The following LRRC53 variants were observed in gnomAD, a reference collection of about 807,000 sequenced individuals.
LRRC53 encodes leucine-rich repeat-containing protein 53.
A neutral mutation model predicts 13.6 loss-of-function variants in LRRC53; 25 were observed. The observed-to-expected ratio is 1.83, with a 90% CI of 1.34 to 2.56. The LOEUF is 2.56. Among genes scored for constraint, LRRC53 ranks in the 30% most tolerant of loss-of-function variants. The pLI, the probability that LRRC53 is intolerant of heterozygous loss-of-function variation, is 0.00. For synonymous variants in LRRC53, 204 were observed against 109.8 expected, an observed-to-expected ratio of 1.86 and a Z score of -5.37; for missense variants, 527 against 275.8, an observed-to-expected ratio of 1.91 and a Z score of -6.45.
the LRRC53 span, among the ~76,000 whole-genome samples, chr1:74,518,113 G>C: frequency 5.9e-4 from 90 of 152,268 alleles, no homozygotes; most frequent in Non-Finnish European, 9.7e-4. Flanking sequence ...GGACCAGGAG[G>C]TTCCCAGGTA....
At position 74,470,968 on chromosome 1, in the gene LRRC53, C is replaced by T. The variant is rs977232119; in HGVS notation, c.2654G>A (p.Ser885Asn). The T allele has an allele frequency of 7.2e-5, 29 of 400,702 alleles. No individual in the cohort carries two copies. Among genetic ancestry groups the T allele is most frequent in the African/African-American group, 4.3e-4 (21 of 48,800 alleles). The allele number at this position is 400,702 out of a possible 1,614,324, so 24.8% of individuals were successfully genotyped here. ...YLATTWENTG[S>N]DVLPFQHSRR... ...GGAATGTTGGAATGGTAAAACATCA[C>T]TTCCTGTATTTTCCCAAGTAGTTGC... The change falls in exon 5 of 5, where the codon AGT becomes AAT. Residue 885 changes from serine to asparagine, a missense_variant. Physicochemically the swap from Ser to Asn is conservative, Grantham distance 46. Coordinates refer to ENST00000294635, the MANE Select transcript of LRRC53 (RefSeq NM_001382280.1).
chr1:74,526,092 G>A, the LRRC53 span, among the ~76,000 whole-genome samples: 1 of 152,190 alleles, frequency 6.6e-6, no homozygotes, highest in African/African-American at 2.4e-5. Context: ...AACCTCCTTA[G>A]GGTATTTCAA....
Position 74,475,704 on chromosome 1 carries a change from AT to A in LRRC53, c.1010del (p.Asp337ValfsTer22), listed in dbSNP as rs1359627725. 1.4e-6 allele frequency: 1 copy of A among 703,812 alleles called. No individual in the cohort carries two copies. The highest frequency in any genetic ancestry group is 2.6e-6 in the Non-Finnish European group (1 of 378,680). 43.6% of individuals were successfully genotyped at this position (703,812 alleles called of 1,614,324 possible). A position where few individuals can be genotyped will look rare whatever the true frequency, so the allele number is the denominator to read the frequency against. ...TTGCCTCATGAGCACACAGGGGTTC[AT>A]CGAAGGTTCTGCAACAAAGGTTTTC... ...TSENLCCRTF[D>X]EPLCAHEARN... On this transcript the variant is annotated frameshift_variant, in exon 4 of 5. Coordinates refer to ENST00000294635, the MANE Select transcript of LRRC53 (RefSeq NM_001382280.1). LOFTEE classifies it high-confidence loss of function.
intron 1 of LRRC53, among the ~76,000 whole-genome samples, chr1:74,484,667 A>C (rs550512681): frequency 6.6e-6 from 1 of 152,150 alleles, no homozygotes; most frequent in Non-Finnish European, 1.5e-5. Flanking sequence ...TCTCAAGGGC[A>C]TGAGGAGGTT....
chr1:74,513,442 A>G (rs146823532), upstream of LRRC53, among the ~76,000 whole-genome samples: 4,096 of 152,340 alleles, frequency 0.027, 88 homozygotes, highest in Non-Finnish European at 0.041. Context: ...AGGTTTGTGC[A>G]GAAGGCACAT....
chr1:74,487,735 T>C (rs1396630564), intron 1 of LRRC53, among the ~76,000 whole-genome samples: 1 of 152,184 alleles, frequency 6.6e-6, no homozygotes, highest in African/African-American at 2.4e-5. Context: ...GAAGAGCATC[T>C]ACTTTAGGAC....
chr1:74,536,686 G>A, the LRRC53 span, among the ~76,000 whole-genome samples: 142,851 of 152,212 alleles, frequency 0.94, 67,155 homozygotes, highest in Middle Eastern at 0.97. Flanking sequence ...CCATATAGGA[G>A]CTAATAATTC....
At chr1:74,505,864 A>G (rs1048729775) in intron 1 of LRRC53, among the ~76,000 whole-genome samples, 21 of 152,236 alleles carry the variant, frequency 1.4e-4, no homozygotes, top group African/African-American at 1.9e-4. Flanking sequence ...TATTAGCTGA[A>G]CATTTTTTAT....
chr1:74,529,627 T>C, the LRRC53 span, among the ~76,000 whole-genome samples: 1 of 152,236 alleles, frequency 6.6e-6, no homozygotes, highest in South Asian at 2.1e-4. Context: ...TGTAGGAGGA[T>C]GTCTTTATTT....
At chr1:74,475,204 G>T in intron 4 of LRRC53, 91 bp downstream of exon 4, 1 of 593,796 alleles carries the variant, frequency 1.7e-6, no homozygotes, top group Non-Finnish European at 3.0e-6. Context: ...GATTTTTATA[G>T]TATTTCCTGT....
intron 1 of LRRC53, among the ~76,000 whole-genome samples, chr1:74,499,946 T>C (rs1669522869): frequency 6.6e-6 from 1 of 152,112 alleles, no homozygotes; most frequent in Non-Finnish European, 1.5e-5. Context: ...TTATTCTGTC[T>C]AGTATTTTTT....
Sources: gnomAD v4.1 joint callset for allele counts (sites outside exome capture counted in the v4.1 genomes callset) on GRCh38, gnomAD v4.1.1 for gene constraint, MANE v1.5 for transcripts, NCBI Gene and HGNC (gene_info 2026-07-23, HGNC 2026-07-21) for gene names.